The following CDH8 variants were observed in gnomAD, a reference collection of about 807,000 sequenced individuals.
The protein encoded by CDH8 is cadherin-8.
Under a neutral mutation model 68.1 loss-of-function variants are expected in CDH8, and 17 were observed. That is an observed-to-expected ratio of 0.25 (90% CI 0.17 to 0.37). CDH8 has a LOEUF of 0.37. Among genes scored for constraint, CDH8 ranks in the 10% least tolerant of loss-of-function variants. The probability of loss-of-function intolerance (pLI) is 1.00; values close to 1 mark genes in which losing one functional copy is unlikely to be tolerated. For synonymous variants in CDH8, 372 were observed against 365.1 expected (o/e 1.02, Z -0.21); for missense variants, 763 against 999.3 (o/e 0.76, Z 3.19).
intron 3 of CDH8, among the ~76,000 whole-genome samples, chr16:61,880,482 G>A (rs1963553421): frequency 6.6e-6 from 1 of 152,150 alleles, no homozygotes; most frequent in African/African-American, 2.4e-5. Flanking sequence ...AAACACTGAA[G>A]CTCATTAAGC....
chr16:61,801,936 G>C lies in CDH8; in HGVS notation c.1278-12454C>G, dbSNP rs7306618. On this transcript the variant is annotated intron_variant, in intron 7 of 11. Transcript: ENST00000577390. The stretch of plus-strand genomic sequence containing the variant: ...GCTTGCTTAGGTAAACAAAGCAGCC[G>C]GGAAGCTCCAACTGGGTGGAGCCCA... Among the ~76,000 whole-genome samples, 31 of 137,746 alleles carry C rather than the reference G, an allele frequency of 2.3e-4. 1 individual carries two copies. Among genetic ancestry groups the C allele is most frequent in the Admixed American group, 4.9e-4 (7 of 14,178 alleles). 90.4% of individuals were successfully genotyped at this position (137,746 alleles called of 152,430 possible). A position where few individuals can be genotyped will look rare whatever the true frequency, so the allele number is the denominator to read the frequency against.
Position 62,021,187 on chromosome 16 carries a change from C to G in CDH8, c.217G>C (p.Glu73Gln). ...AGAATCGGTTCAGGTCCAGAAAACT[C>G]TTCCAGGACAAACATTTGATTCCAA... is the stretch of plus-strand genomic sequence containing the variant. ...WVWNQMFVLEEFSGPEPILVG... is the reference protein window; with the variant it reads ...WVWNQMFVLEQFSGPEPILVG... The change falls in exon 2 of 12, where the codon GAG becomes CAG. Residue 73 changes from glutamate (E) to glutamine (Q), a missense_variant. Around this residue, in one of 2 missense-constraint regions of CDH8, gnomAD observed 366 missense variants for 563.1 expected, o/e 0.65. Transcript: ENST00000577390. The G allele has an allele frequency of 6.2e-7, 1 of 1,613,994 alleles. No homozygotes were observed. The highest frequency in any genetic ancestry group is 8.5e-7 in the Non-Finnish European group (1 of 1,179,928).
At chr16:62,012,244 G>C (rs1256741924) in intron 2 of CDH8, among the ~76,000 whole-genome samples, 1 of 152,118 alleles carries the variant, frequency 6.6e-6, no homozygotes, top group South Asian at 2.1e-4. Context: ...CAACCTGTAG[G>C]CTGATTATAT....
chr16:61,973,837 A>G (rs113928255), intron 2 of CDH8, among the ~76,000 whole-genome samples: 309 of 152,364 alleles, frequency 2.0e-3, no homozygotes, highest in Middle Eastern at 6.8e-3. Flanking sequence ...CACTGACTTA[A>G]CACTTTTCCA....
intron 2 of CDH8, among the ~76,000 whole-genome samples, chr16:61,965,273 G>A (rs768127823): frequency 1.1e-4 from 17 of 151,972 alleles, no homozygotes; most frequent in East Asian, 1.9e-4. Flanking sequence ...TGTTTTATTC[G>A]CAGCCAATTT....
chr16:61,765,960 T>C (rs190980492), intron 8 of CDH8, among the ~76,000 whole-genome samples: 79 of 152,178 alleles, frequency 5.2e-4, no homozygotes, highest in African/African-American at 1.8e-3. Context: ...ATTTCCTCTC[T>C]GCATATTTCA....
intron 2 of CDH8, among the ~76,000 whole-genome samples, chr16:61,980,060 G>T (rs544827829): frequency 6.6e-6 from 1 of 152,124 alleles, no homozygotes; most frequent in Non-Finnish European, 1.5e-5. Context: ...AGCCCAAGAA[G>T]GTACCACGGC....
intron 2 of CDH8, among the ~76,000 whole-genome samples, chr16:61,953,895 T>A (rs1057209401): frequency 1.7e-5 from 2 of 118,862 alleles, no homozygotes; most frequent in African/African-American, 7.5e-5. Context: ...AAAAAAAACT[T>A]TATATATATA....
At chr16:62,008,400 G>C (rs113818808) in intron 2 of CDH8, among the ~76,000 whole-genome samples, 61 of 152,304 alleles carry the variant, frequency 4.0e-4, no homozygotes, top group African/African-American at 1.3e-3. Context: ...GGAGCTGGGA[G>C]AGTCTCCATG....
chr16:61,677,514 C>T (rs1235469384), intron 10 of CDH8, among the ~76,000 whole-genome samples: 1 of 151,756 alleles, frequency 6.6e-6, no homozygotes, highest in Admixed American at 6.6e-5. Context: ...TAAGATGATC[C>T]TATGTTTTGC....
intron 8 of CDH8, among the ~76,000 whole-genome samples, chr16:61,748,661 A>T (rs1478542157): frequency 6.6e-6 from 1 of 152,044 alleles, no homozygotes; most frequent in Non-Finnish European, 1.5e-5. Flanking sequence ...TCTCATGCTT[A>T]CAAACAATAC....
At chr16:62,029,753 G>A (rs1220490034) in intron 1 of CDH8, among the ~76,000 whole-genome samples, 1 of 152,148 alleles carries the variant, frequency 6.6e-6, no homozygotes, top group African/African-American at 2.4e-5. Flanking sequence ...AGCACAAGTG[G>A]AAAGTCTCTA....
At chr16:61,914,016 G>T (rs1421741273) in intron 2 of CDH8, among the ~76,000 whole-genome samples, 2 of 152,060 alleles carry the variant, frequency 1.3e-5, no homozygotes, top group Non-Finnish European at 2.9e-5. Flanking sequence ...AGGCTGTTAG[G>T]TTCCTCATCC....
At chr16:61,794,074 T>C (rs1961444316) in intron 7 of CDH8, among the ~76,000 whole-genome samples, 3 of 152,100 alleles carry the variant, frequency 2.0e-5, no homozygotes, top group Admixed American at 6.6e-5. Flanking sequence ...TTGAATAAGA[T>C]GGTAAGAATT....
chr16:61,856,891 T>G (rs1963057179), intron 4 of CDH8, among the ~76,000 whole-genome samples: 1 of 152,148 alleles, frequency 6.6e-6, no homozygotes, highest in South Asian at 2.1e-4. Context: ...AAAAATGGTG[T>G]CAGATCATGT....
chr16:61,755,640 T>C (rs1320602645), intron 8 of CDH8, among the ~76,000 whole-genome samples: 2 of 152,304 alleles, frequency 1.3e-5, no homozygotes, highest in Non-Finnish European at 2.9e-5. Flanking sequence ...TGTTCTTTAA[T>C]GATTTTCTCT....
chr16:62,019,655 C>T (rs1226169319), intron 2 of CDH8, among the ~76,000 whole-genome samples: 18 of 152,114 alleles, frequency 1.2e-4, no homozygotes, highest in Admixed American at 1.1e-3. Flanking sequence ...ATAATAGCCT[C>T]AAGTCGGTTC....
At chr16:61,705,533 T>G (rs1396682404) in intron 10 of CDH8, among the ~76,000 whole-genome samples, 1 of 152,166 alleles carries the variant, frequency 6.6e-6, no homozygotes, top group Non-Finnish European at 1.5e-5. Context: ...ATAAAGACAT[T>G]GAATAGTATG....
chr16:61,652,820 T>C lies in CDH8; in HGVS notation c.*788A>G, dbSNP rs1963351789. 4 of 1,470,350 alleles carry C rather than the reference T, an allele frequency of 2.7e-6. No individual in the cohort carries two copies. In the African/African-American group the frequency reaches 4.2e-5, roughly 16 times the overall value. The allele number at this position is 1,470,350 out of a possible 1,614,324, so 91.1% of individuals were successfully genotyped here. On this transcript the variant is annotated 3_prime_UTR_variant, in exon 12 of 12. Transcript: ENST00000577390. ...TAGCAATAAAACCATCTGTCTCTTATGTAGTCCACTGTGTGATACAGTTTA... is the reference window on the plus strand; with the variant it reads ...TAGCAATAAAACCATCTGTCTCTTACGTAGTCCACTGTGTGATACAGTTTA...
Sources: gnomAD v4.1 joint callset for allele counts (sites outside exome capture counted in the v4.1 genomes callset) on GRCh38, gnomAD v4.1.1 for gene constraint, gnomAD v4.1.1 regional missense constraint, MANE v1.5 for transcripts, NCBI Gene and HGNC (gene_info 2026-07-23, HGNC 2026-07-21) for gene names.